DOCK8: variants seen among roughly 807,000 people sequenced by gnomAD.
DOCK8 encodes the protein dedicator of cytokinesis protein 8.
A neutral mutation model predicts 245.6 loss-of-function variants in DOCK8; 141 were observed. The observed-to-expected ratio is 0.57, with a 90% CI of 0.50 to 0.66. The LOEUF (loss-of-function observed/expected upper bound fraction) is 0.66, where lower values mean the gene tolerates loss of function less well. Ranked by LOEUF, DOCK8 falls within the 30% of genes least tolerant of loss-of-function variation. The pLI, the probability that DOCK8 is intolerant of heterozygous loss-of-function variation, is 0.00. For missense variants in DOCK8, 2,965 were observed against 2,603.4 expected (o/e 1.14, Z -3.02); for synonymous variants, 1,168 against 970.2 (o/e 1.20, Z -3.79).
Position 399,130 on chromosome 9 carries a change from T to C in DOCK8, c.3121-16T>C. 6.2e-7 allele frequency: 1 copy of C among 1,610,492 alleles called. No homozygotes were observed. Among genetic ancestry groups the C allele is most frequent in the Non-Finnish European group, 8.5e-7 (1 of 1,177,014 alleles). On this transcript the variant is annotated splice_polypyrimidine_tract_variant and intron_variant, in intron 25 of 47. Coordinates refer to ENST00000432829, the MANE Select transcript of DOCK8 (RefSeq NM_203447.4). ...AGTGTCCCACAAAATGATTTGGGTG[T>C]TTGTTTGTTTTTAAGGAAAATGAAC...
At chr9:328,330 CTG>C (rs1417058493) in intron 9 of DOCK8, among the ~76,000 whole-genome samples, 159 bp downstream of exon 9, 1 of 152,220 alleles carries the variant, frequency 6.6e-6, no homozygotes, top group Non-Finnish European at 1.5e-5. Flanking sequence ...TCTAAGTAAA[CTG>C]TTTCAGATAC....
intron 1 of DOCK8, among the ~76,000 whole-genome samples, 192 bp from the exon 2 acceptor site, chr9:271,435 T>C (rs2048162722): frequency 6.6e-6 from 1 of 152,112 alleles, no homozygotes; most frequent in African/African-American, 2.4e-5. Context: ...TCTGTGAACT[T>C]CTCAAGGGTA....
Position 340,221 on chromosome 9 carries a change from A to G in DOCK8, c.1579A>G (p.Met527Val). The change falls in exon 14 of 48, where the codon ATG becomes GTG. Residue 527 changes from methionine (M) to valine (V), a missense_variant. Physicochemically the swap from Met to Val is conservative, Grantham distance 21. Transcript: ENST00000432829. The part of the protein sequence containing the change: ...EIINCCLTPE[M>V]LPVKPFPENR... ...CATCAATTGCTGTCTGACTCCTGAAATGCTGCCCGTGAAACCCTTTCCTGA... is the reference window on the plus strand; with the variant it reads ...CATCAATTGCTGTCTGACTCCTGAAGTGCTGCCCGTGAAACCCTTTCCTGA... 6.2e-7 allele frequency: 1 copy of G among 1,614,154 alleles called. No individual in the cohort carries two copies. Among genetic ancestry groups the G allele is most frequent in the South Asian group, 1.1e-5 (1 of 91,074 alleles).
At chr9:464,119 G>A in intron 47 of DOCK8, 40 bp from the exon 48 acceptor site, 9 of 1,536,688 alleles carry the variant, frequency 5.9e-6, no homozygotes, top group Non-Finnish European at 8.1e-6. Context: ...GCTTCTGTAC[G>A]CTCTCTTTCC....
At position 371,422 on chromosome 9, in the gene DOCK8, A is replaced by G. The variant is rs762551503; in HGVS notation, c.1869-6A>G. ...GTTATTTGTGTATAATGTGCTTTTG[A>G]AACAGGTCTCCTGACTTTTATGAAG... On this transcript the variant is annotated splice_region_variant and splice_polypyrimidine_tract_variant and intron_variant, in intron 16 of 47. Transcript: ENST00000432829. 2 of 1,614,184 alleles carry G rather than the reference A, an allele frequency of 1.2e-6. No homozygotes were observed. The highest frequency in any genetic ancestry group is 3.3e-5 in the Admixed American group (2 of 60,020).
chr9:423,745 A>G (rs1383645767), intron 33 of DOCK8, among the ~76,000 whole-genome samples: 2 of 152,230 alleles, frequency 1.3e-5, no homozygotes, highest in African/African-American at 4.8e-5. Flanking sequence ...CGGAGAGTCC[A>G]TACATTCTAC....
chr9:246,158 G>C (rs1265949200), intron 1 of DOCK8, among the ~76,000 whole-genome samples: 2 of 152,046 alleles, frequency 1.3e-5, no homozygotes, highest in African/African-American at 4.8e-5. Context: ...GATGGAGCTT[G>C]CAGTGACCTG....
chr9:460,292 T>C lies in DOCK8; in HGVS notation c.6069-3225T>C, dbSNP rs577337744. 2.6e-5 allele frequency: 4 copies of C among 152,358 alleles called. No homozygotes were observed. In the South Asian group the frequency reaches 8.3e-4, roughly 32 times the overall value. The allele number at this position is 152,358 out of a possible 1,614,324, so 9.4% of individuals were successfully genotyped here. On this transcript the variant is annotated intron_variant, in intron 46 of 47. Coordinates refer to ENST00000432829, the MANE Select transcript of DOCK8 (RefSeq NM_203447.4). Reference sequence around the variant, plus strand: ...TCAGAAGGTGTTAGCTAGCTGCTGCTACTTCTGCAAACAAAGACTAAGGAG... The same window carrying C: ...TCAGAAGGTGTTAGCTAGCTGCTGCCACTTCTGCAAACAAAGACTAAGGAG...
intron 43 of DOCK8, among the ~76,000 whole-genome samples, chr9:444,080 G>A (rs970838088): frequency 6.6e-6 from 1 of 152,054 alleles, no homozygotes; most frequent in Admixed American, 6.6e-5. Flanking sequence ...GGTAAAAACG[G>A]CTTGGGTTTG....
At chr9:447,045 C>T (rs1011840781) in intron 44 of DOCK8, among the ~76,000 whole-genome samples, 4 of 152,052 alleles carry the variant, frequency 2.6e-5, no homozygotes, top group African/African-American at 9.7e-5. Flanking sequence ...CGGTGGTGTG[C>T]TGTGGGAAAG....
intron 1 of DOCK8, among the ~76,000 whole-genome samples, chr9:256,369 C>G (rs1008843456): frequency 1.3e-5 from 2 of 152,172 alleles, no homozygotes; most frequent in Admixed American, 6.5e-5. Context: ...GTTCTTAGGT[C>G]GGAACAGGCT....
intron 1 of DOCK8, among the ~76,000 whole-genome samples, chr9:225,031 T>G (rs2046961816): frequency 6.6e-6 from 1 of 152,210 alleles, no homozygotes; most frequent in Non-Finnish European, 1.5e-5. Flanking sequence ...GGTATCCAAT[T>G]TACCTCCTGT....
intron 46 of DOCK8, chr9:457,983 T>C (rs2057694165): frequency 6.6e-6 from 1 of 152,218 alleles, no homozygotes; most frequent in Non-Finnish European, 1.5e-5. Context: ...CAAAGCGGGA[T>C]TCAGAGTTGA....
intron 33 of DOCK8, among the ~76,000 whole-genome samples, chr9:424,942 T>C (rs150893754): frequency 1.3e-3 from 202 of 152,342 alleles, no homozygotes; most frequent in Non-Finnish European, 2.4e-3. Flanking sequence ...GCTTGAAATA[T>C]GGCTAGTTCA....
intron 1 of DOCK8, among the ~76,000 whole-genome samples, chr9:255,439 G>T (rs977404521): frequency 6.6e-6 from 1 of 152,038 alleles, no homozygotes; most frequent in Non-Finnish European, 1.5e-5. Context: ...AGGCCAAGGC[G>T]GGCAGATCAC....
intron 33 of DOCK8, among the ~76,000 whole-genome samples, chr9:424,989 C>T (rs2056426882): frequency 6.6e-6 from 1 of 152,112 alleles, no homozygotes; most frequent in African/African-American, 2.4e-5. Context: ...GAAAAATACG[C>T]ACCAGATTTT....
intron 42 of DOCK8, among the ~76,000 whole-genome samples, chr9:442,222 C>A (rs1370853814): frequency 6.6e-6 from 1 of 152,196 alleles, no homozygotes; most frequent in South Asian, 2.1e-4. Context: ...CCCTAATACT[C>A]TGTGTATGCT....
At chr9:347,544 A>T (rs138040524) in intron 14 of DOCK8, among the ~76,000 whole-genome samples, 1 of 152,188 alleles carries the variant, frequency 6.6e-6, no homozygotes, top group Non-Finnish European at 1.5e-5. Context: ...GTATCAGATG[A>T]TGCGGAAGCC....
chr9:399,347 T>C, intron 26 of DOCK8, 88 bp downstream of exon 26: 1 of 954,462 alleles, frequency 1.0e-6, no homozygotes, highest in East Asian at 2.5e-5. Flanking sequence ...CACGCTGTCT[T>C]CTTCATTACT....
Sources: allele counts gnomAD v4.1 joint callset (sites outside exome capture counted in the v4.1 genomes callset), GRCh38; gene constraint gnomAD v4.1.1; transcripts MANE v1.5; gene names NCBI Gene and HGNC (gene_info 2026-07-23, HGNC 2026-07-21).